Variants in STRN observed in about 807,000 individuals in gnomAD.
The protein encoded by STRN is protein phosphatase 2 regulatory subunit B'''alpha.
STRN carries 53 observed loss-of-function variants against 96.3 expected under a neutral mutation model. The observed-to-expected ratio is 0.55, with a 90% CI of 0.44 to 0.69. The LOEUF (loss-of-function observed/expected upper bound fraction) is 0.69, where lower values mean the gene tolerates loss of function less well. Among genes scored for constraint, STRN ranks in the 30% least tolerant of loss-of-function variants. The pLI, the probability that STRN is intolerant of heterozygous loss-of-function variation, is 0.00. For missense variants in STRN, 987 were observed against 963.9 expected, an observed-to-expected ratio of 1.02 and a Z score of -0.32; for synonymous variants, 428 against 355.9, an observed-to-expected ratio of 1.20 and a Z score of -2.28.
intron 1 of STRN, among the ~76,000 whole-genome samples, chr2:36,927,381 T>C (rs147888096): frequency 0.1 from 15,483 of 151,986 alleles, 1,085 homozygotes; most frequent in Middle Eastern, 0.23. Context: ...TGGTGGCATG[T>C]GTCTGTGGTC....
chr2:36,927,524 AGG>A (rs3080759), intron 1 of STRN, among the ~76,000 whole-genome samples: 6,640 of 79,622 alleles, frequency 0.083, 392 homozygotes, highest in African/African-American at 0.17. Flanking sequence ...AACAAAAAAA[AGG>A]GGGGGGGGGG....
At chr2:36,872,427 T>C (rs1015165670) in intron 10 of STRN, among the ~76,000 whole-genome samples, 9 of 152,218 alleles carry the variant, frequency 5.9e-5, no homozygotes, top group Admixed American at 5.9e-4. Context: ...ATACTGCAGC[T>C]CTGGCCAACA....
intron 1 of STRN, among the ~76,000 whole-genome samples, chr2:36,944,019 C>G (rs1383186920): frequency 6.6e-6 from 1 of 152,056 alleles, no homozygotes; most frequent in African/African-American, 2.4e-5. Flanking sequence ...ACTTGGGAGG[C>G]TGGGGCAGGA....
rs866286698 is a variant in STRN, at chr2:36,849,309, T to C, written c.*147A>G. 10 of 949,496 alleles carry C rather than the reference T, an allele frequency of 1.1e-5. 1 individual carries two copies. Among genetic ancestry groups the C allele is most frequent in the African/African-American group, 6.6e-5 (4 of 60,284 alleles). The allele number at this position is 949,496 out of a possible 1,614,324, so 58.8% of individuals were successfully genotyped here. A position where few individuals can be genotyped will look rare whatever the true frequency, so the allele number is the denominator to read the frequency against. Reference sequence around the variant, plus strand: ...TAGTTTTAGAAAACAGTATATGAATTGCAAAACTATACTTCAACAAATGTT... The same window carrying C: ...TAGTTTTAGAAAACAGTATATGAATCGCAAAACTATACTTCAACAAATGTT... On this transcript the variant is annotated 3_prime_UTR_variant, in exon 18 of 18. Transcript: ENST00000263918.
At chr2:36,873,500 C>T (rs1344300540) in intron 10 of STRN, among the ~76,000 whole-genome samples, 1 of 152,052 alleles carries the variant, frequency 6.6e-6, no homozygotes, top group Non-Finnish European at 1.5e-5. Flanking sequence ...GCAGAAGTTG[C>T]AGTGAGTCAA....
Position 36,841,138 on chromosome 2 carries a change from C to T in STRN, c.*8318G>A, listed in dbSNP as rs1667940439. ...TAGATGTGTATTCCTACGTATTCTA[C>T]AGCAATGAGAAATAAGGAGCACATT... On this transcript the variant is annotated 3_prime_UTR_variant, in exon 18 of 18. Coordinates refer to ENST00000263918, the MANE Select transcript of STRN (RefSeq NM_003162.4). The T allele has an allele frequency of 6.7e-6, 1 of 150,222 alleles. No individual in the cohort carries two copies. Among genetic ancestry groups the T allele is most frequent in the African/African-American group, 2.4e-5 (1 of 40,836 alleles). The allele number at this position is 150,222 out of a possible 1,614,324, so 9.3% of individuals were successfully genotyped here.
chr2:36,881,941 G>C (rs113870174), intron 9 of STRN, among the ~76,000 whole-genome samples: 67 of 152,290 alleles, frequency 4.4e-4, no homozygotes, highest in Non-Finnish European at 7.8e-4. Flanking sequence ...ATCTCCTAGT[G>C]ATCAACATAC....
At chr2:36,896,791 T>G (rs1669551481) in intron 6 of STRN, among the ~76,000 whole-genome samples, 1 of 152,214 alleles carries the variant, frequency 6.6e-6, no homozygotes. Context: ...AGTTTGAAAC[T>G]GATCACTTTT....
At position 36,952,047 on chromosome 2, in the gene STRN, ACACG is replaced by A. The variant is rs755868203; in HGVS notation, c.234+14179_234+14182del. Among the ~76,000 whole-genome samples, 284 of 152,270 alleles carry A rather than the reference ACACG, an allele frequency of 1.9e-3. 1 individual carries two copies. Among genetic ancestry groups the A allele is most frequent in the Non-Finnish European group, 3.5e-3 (237 of 68,028 alleles). On this transcript the variant is annotated intron_variant, in intron 1 of 17. Coordinates refer to ENST00000263918, the MANE Select transcript of STRN (RefSeq NM_003162.4). ...TGGAACAATTTCGTCCCGAAAATAC[ACACG>A]CACGCACACACACACACAATTGTGG...
intron 9 of STRN, among the ~76,000 whole-genome samples, chr2:36,878,380 T>C (rs1016514096): frequency 1.3e-5 from 2 of 152,222 alleles, no homozygotes; most frequent in African/African-American, 2.4e-5. Flanking sequence ...AATTACTAAA[T>C]ATATGTACAA....
intron 10 of STRN, among the ~76,000 whole-genome samples, chr2:36,873,702 T>A (rs1668824177): frequency 6.6e-6 from 1 of 152,112 alleles, no homozygotes; most frequent in Non-Finnish European, 1.5e-5. Flanking sequence ...CCCAGCACTT[T>A]GGGAGGCTGA....
At chr2:36,956,151 C>T (rs533690866) in intron 1 of STRN, among the ~76,000 whole-genome samples, 2 of 152,212 alleles carry the variant, frequency 1.3e-5, no homozygotes, top group South Asian at 2.1e-4. Context: ...CTATGATAAA[C>T]GGATCACTGA....
In STRN at chr2:36,880,771, T is replaced by C. The variant is rs1211032323; in HGVS notation, c.1187-2744A>G. Among the ~76,000 whole-genome samples, 4 of 152,280 alleles carry C rather than the reference T, an allele frequency of 2.6e-5. No homozygotes were observed. The East Asian group carries it at 7.7e-4, about 29-fold the overall frequency. ...TTGATTTGTTCCCATTTCTAACATT[T>C]CCAGATAACTTTGTTCAGGTGTAAA... On this transcript the variant is annotated intron_variant, in intron 9 of 17. Transcript: ENST00000263918.
chr2:36,878,830 G>A (rs978474340), intron 9 of STRN, among the ~76,000 whole-genome samples: 4 of 151,944 alleles, frequency 2.6e-5, no homozygotes, highest in South Asian at 2.1e-4. Flanking sequence ...TTGGCTCACT[G>A]CAACCTCCAC....
chr2:36,901,970 TAAC>T (rs1360944996), intron 5 of STRN, among the ~76,000 whole-genome samples: 1 of 152,184 alleles, frequency 6.6e-6, no homozygotes, highest in Non-Finnish European at 1.5e-5. Flanking sequence ...TTTATTCAAT[TAAC>T]AATCACGGAA....
At chr2:36,901,221 T>C (rs570771399) in intron 5 of STRN, among the ~76,000 whole-genome samples, 42 of 152,228 alleles carry the variant, frequency 2.8e-4, no homozygotes, top group Non-Finnish European at 4.9e-4. Context: ...AAGTCTTTAC[T>C]GAAGGTTATT....
At chr2:36,934,879 C>T (rs1411049921) in intron 1 of STRN, among the ~76,000 whole-genome samples, 3 of 152,150 alleles carry the variant, frequency 2.0e-5, no homozygotes, top group African/African-American at 7.2e-5. Context: ...GAGTTTGAGT[C>T]CAGCCATGGG....
chr2:36,850,836 A>T (rs535133682), intron 16 of STRN, among the ~76,000 whole-genome samples, 164 bp downstream of exon 16: 7 of 152,190 alleles, frequency 4.6e-5, no homozygotes, highest in African/African-American at 1.4e-4. Flanking sequence ...GACTAGTCTT[A>T]GCAGATTTGG....
At chr2:36,884,113 G>C in intron 8 of STRN, 38 bp from the exon 9 acceptor site, 1 of 1,309,846 alleles carries the variant, frequency 7.6e-7, no homozygotes, top group Middle Eastern at 2.0e-4. Context: ...AGATAAAAAA[G>C]AGAAAAGAGA....
Sources: allele counts gnomAD v4.1 joint callset (sites outside exome capture counted in the v4.1 genomes callset), GRCh38; gene constraint gnomAD v4.1.1; transcripts MANE v1.5; gene names NCBI Gene and HGNC (gene_info 2026-07-23, HGNC 2026-07-21).